SLC25A44: variants seen among roughly 807,000 people sequenced by gnomAD.
The protein encoded by SLC25A44 is solute carrier family 25 member 44.
SLC25A44 carries 17 observed loss-of-function variants against 29.9 expected under a neutral mutation model. The ratio of observed to expected loss-of-function variants is 0.57; its 90% confidence interval spans 0.39 to 0.85. SLC25A44 has a LOEUF of 0.85. Ranked by LOEUF, SLC25A44 falls within the 40% of genes least tolerant of loss-of-function variation. SLC25A44 has a pLI of 0.00. For missense variants in SLC25A44, 302 were observed against 398.4 expected, an observed-to-expected ratio of 0.76 and a Z score of 2.06; for synonymous variants, 140 against 151.8, an observed-to-expected ratio of 0.92 and a Z score of 0.57.
intron 2 of SLC25A44, among the ~76,000 whole-genome samples, chr1:156,207,581 T>C (rs186682823): frequency 6.6e-6 from 1 of 152,142 alleles, no homozygotes; most frequent in Non-Finnish European, 1.5e-5. Context: ...GCCCAGGAGA[T>C]TGAGGCTGCA....
intron 3 of SLC25A44, among the ~76,000 whole-genome samples, chr1:156,208,350 C>A (rs1328063701): frequency 6.6e-6 from 1 of 152,172 alleles, no homozygotes; most frequent in East Asian, 1.9e-4. Flanking sequence ...CGCCTATAGT[C>A]CCAGCTACTC....
intron 2 of SLC25A44, among the ~76,000 whole-genome samples, chr1:156,204,489 T>C (rs1216678056): frequency 6.6e-6 from 1 of 151,924 alleles, no homozygotes; most frequent in African/African-American, 2.4e-5. Flanking sequence ...CTACAGTTGG[T>C]TTTTTTGTTT....
At position 156,207,783 on chromosome 1, in the gene SLC25A44, G is replaced by A. The variant is rs551341926; in HGVS notation, c.626-103G>A. 3.9e-5 allele frequency: 51 copies of A among 1,300,308 alleles called. No individual in the cohort carries two copies. In the Middle Eastern group the frequency reaches 6.0e-4, roughly 15 times the overall value. The allele number at this position is 1,300,308 out of a possible 1,614,324, so 80.5% of individuals were successfully genotyped here. A position where few individuals can be genotyped will look rare whatever the true frequency, so the allele number is the denominator to read the frequency against. On this transcript the variant is annotated intron_variant, in intron 2 of 3. Coordinates refer to ENST00000359511, the MANE Select transcript of SLC25A44 (RefSeq NM_014655.4). The stretch of plus-strand genomic sequence containing the variant: ...GGACTTAGGTGGTGAAGGGTGGAGG[G>A]TTTGTCTGGGTTGGGAAAGCCACCT...
At chr1:156,194,618 G>A (rs1175701535) in intron 1 of SLC25A44, among the ~76,000 whole-genome samples, 1 of 152,190 alleles carries the variant, frequency 6.6e-6, no homozygotes, top group African/African-American at 2.4e-5. Flanking sequence ...GTCCGAGGTA[G>A]GGAGGAGATG....
At chr1:156,200,618 T>A in intron 2 of SLC25A44, 146 bp downstream of exon 2, 1 of 777,478 alleles carries the variant, frequency 1.3e-6, no homozygotes. Flanking sequence ...CAGGAGGATT[T>A]AAAGATGCAT....
At chr1:156,199,546 C>G (rs760158378) in intron 1 of SLC25A44, 4 of 404,406 alleles carry the variant, frequency 9.9e-6, no homozygotes, top group African/African-American at 8.2e-5. Context: ...GGTAGGGAGC[C>G]GAGGAGGCCA....
chr1:156,209,525 G>A (rs545343268), intron 3 of SLC25A44, among the ~76,000 whole-genome samples: 6 of 152,170 alleles, frequency 3.9e-5, no homozygotes, highest in Non-Finnish European at 7.3e-5. Context: ...TGTATTGGCC[G>A]AGGGGCTGAG....
intron 2 of SLC25A44, among the ~76,000 whole-genome samples, chr1:156,201,036 A>G (rs754320039): frequency 6.6e-6 from 1 of 151,618 alleles, no homozygotes; most frequent in South Asian, 2.1e-4. Context: ...GGGTTTCACC[A>G]TGTTGGTCAG....
intron 2 of SLC25A44, among the ~76,000 whole-genome samples, chr1:156,202,829 T>G (rs1283896131): frequency 1.4e-4 from 21 of 152,172 alleles, no homozygotes. Context: ...GGCTTGTATA[T>G]CTCATAATTC....
intron 2 of SLC25A44, among the ~76,000 whole-genome samples, chr1:156,202,730 C>G (rs1007304368): frequency 2.0e-5 from 3 of 152,112 alleles, no homozygotes; most frequent in Non-Finnish European, 2.9e-5. Flanking sequence ...TGTGTGTGCC[C>G]TATCTCTTCT....
chr1:156,206,172 G>T (rs970477335), intron 2 of SLC25A44, among the ~76,000 whole-genome samples: 3 of 151,934 alleles, frequency 2.0e-5, no homozygotes, highest in African/African-American at 7.3e-5. Context: ...CAACGAAAAG[G>T]CTCCTTACCC....
In SLC25A44 at chr1:156,207,913, A is replaced by C; in HGVS notation, c.653A>C (p.Glu218Ala). The C allele has an allele frequency of 6.2e-7, 1 of 1,613,958 alleles. No individual in the cohort carries two copies. The highest frequency in any genetic ancestry group is 8.5e-7 in the Non-Finnish European group (1 of 1,179,920). Residue 218 changes from glutamate to alanine, a missense_variant, in exon 3 of 4, where the codon GAG becomes GCG. By Grantham distance (107) the Glu-to-Ala change is moderately radical. Coordinates refer to ENST00000359511, the MANE Select transcript of SLC25A44 (RefSeq NM_014655.4). The stretch of plus-strand genomic sequence containing the variant: ...CAGCTCTCCTACCTGTGTCCTAAGG[A>C]GTGCCCTCACATTGTCTTTCAAGCT... ...AEQLSYLCPK[E>A]CPHIVFQAVS... is the part of the protein sequence containing the mutation.
At position 156,210,541 on chromosome 1, in the gene SLC25A44, C is replaced by A; in HGVS notation, c.*110C>A. On this transcript the variant is annotated 3_prime_UTR_variant, in exon 4 of 4. Coordinates refer to ENST00000359511, the MANE Select transcript of SLC25A44 (RefSeq NM_014655.4). ...CTCCCACCACACACCCAGCCCTGCC[C>A]TGGGCCAAGTGGCCTATCTGGGATA... is the stretch of plus-strand genomic sequence containing the variant. 1 of 755,854 alleles carries A rather than the reference C, an allele frequency of 1.3e-6. No individual in the cohort carries two copies. The highest frequency in any genetic ancestry group is 2.0e-6 in the Non-Finnish European group (1 of 493,778). The allele number at this position is 755,854 out of a possible 1,614,324, so 46.8% of individuals were successfully genotyped here. A position where few individuals can be genotyped will look rare whatever the true frequency, so the allele number is the denominator to read the frequency against.
intron 1 of SLC25A44, chr1:156,196,505 G>A (rs1656221318): frequency 6.6e-6 from 1 of 152,244 alleles, no homozygotes; most frequent in Admixed American, 6.5e-5. Context: ...AGGAGATGCT[G>A]ATACTTGGTG....
At chr1:156,196,314 G>C (rs1353052100) in intron 1 of SLC25A44, 1 of 152,248 alleles carries the variant, frequency 6.6e-6, no homozygotes, top group Non-Finnish European at 1.5e-5. Context: ...AAGGGGTAAA[G>C]GGAGTGGGTG....
Position 156,200,071 on chromosome 1 carries a change from G to T in SLC25A44, c.224G>T (p.Arg75Leu). Reference sequence around the variant, plus strand: ...GCAGATGGTATCACTGGCCTCTACCGAGGGTTCCTGGTCAATACCTTCACC... The same window carrying T: ...GCAGATGGTATCACTGGCCTCTACCTAGGGTTCCTGGTCAATACCTTCACC... ...LRADGITGLY[R>L]GFLVNTFTLI... The change falls in exon 2 of 4, where the codon CGA becomes CTA. Residue 75 changes from arginine (R) to leucine (L), a missense_variant. Coordinates refer to ENST00000359511, the MANE Select transcript of SLC25A44 (RefSeq NM_014655.4). 1 of 1,614,110 alleles carries T rather than the reference G, an allele frequency of 6.2e-7. No homozygotes were observed. Among genetic ancestry groups the T allele is most frequent in the Non-Finnish European group, 8.5e-7 (1 of 1,180,014 alleles).
intron 3 of SLC25A44, among the ~76,000 whole-genome samples, chr1:156,209,295 G>A (rs1558182596): frequency 2.6e-5 from 4 of 152,176 alleles, no homozygotes. Context: ...AAGACCCAGA[G>A]GCATAGGTGA....
At chr1:156,212,794 C>CGAGCTT in exon 4 of SLC25A44, 1 of 654,122 alleles carries the variant, frequency 1.5e-6, no homozygotes, top group Non-Finnish European at 2.5e-6. Flanking sequence ...ATTGAGCCCC[C>CGAGCTT]GAGCTTTGGC....
chr1:156,201,962 A>G (rs2103039871), intron 2 of SLC25A44, among the ~76,000 whole-genome samples: 1 of 152,312 alleles, frequency 6.6e-6, no homozygotes, highest in South Asian at 2.1e-4. Context: ...AGACATTCTG[A>G]CTGTAGGACT....
Sources: gnomAD v4.1 joint callset for allele counts (sites outside exome capture counted in the v4.1 genomes callset) on GRCh38, gnomAD v4.1.1 for gene constraint, MANE v1.5 for transcripts, NCBI Gene and HGNC (gene_info 2026-07-23, HGNC 2026-07-21) for gene names.